The following GABBR2 variants were observed in gnomAD, a reference collection of about 807,000 sequenced individuals.
The protein encoded by GABBR2 is G-protein coupled receptor 51.
Under a neutral mutation model 105.6 loss-of-function variants are expected in GABBR2, and 23 were observed. The observed-to-expected ratio is 0.22, with a 90% CI of 0.16 to 0.31. The LOEUF is 0.31. Among genes scored for constraint, GABBR2 ranks in the 10% least tolerant of loss-of-function variants. The probability of loss-of-function intolerance (pLI) is 1.00; values close to 1 mark genes in which losing one functional copy is unlikely to be tolerated. For missense variants in GABBR2, 734 were observed against 1,245.5 expected, an observed-to-expected ratio of 0.59 and a Z score of 6.18; for synonymous variants, 478 against 499.7, an observed-to-expected ratio of 0.96 and a Z score of 0.58.
chr9:98,389,165 G>T (rs1832134693), intron 9 of GABBR2, among the ~76,000 whole-genome samples, 161 bp from the exon 10 acceptor site: 1 of 152,150 alleles, frequency 6.6e-6, no homozygotes, highest in Non-Finnish European at 1.5e-5. Flanking sequence ...TGGCCAGTCT[G>T]CTCAACAGGG....
At chr9:98,535,023 A>G (rs1005665693) in intron 3 of GABBR2, among the ~76,000 whole-genome samples, 1 of 152,156 alleles carries the variant, frequency 6.6e-6, no homozygotes, top group Non-Finnish European at 1.5e-5. Context: ...CATCCTGACA[A>G]TGGATACAGT....
intron 13 of GABBR2, among the ~76,000 whole-genome samples, chr9:98,357,978 C>T (rs991649460): frequency 5.9e-5 from 9 of 152,220 alleles, no homozygotes; most frequent in African/African-American, 1.9e-4. Context: ...TCATGCGTGA[C>T]TTGCTGTTTT....
At chr9:98,341,507 G>A (rs527489311) in intron 13 of GABBR2, among the ~76,000 whole-genome samples, 2 of 152,252 alleles carry the variant, frequency 1.3e-5, no homozygotes, top group Non-Finnish European at 2.9e-5. Flanking sequence ...ATGATCAGAA[G>A]GTGAGATAAT....
At position 98,290,280 on chromosome 9, in the gene GABBR2, T is replaced by G. The variant is rs867733694; in HGVS notation, c.*304A>C. Reference sequence around the variant, plus strand: ...TGTCTAGTTTTTTTGTTTTTTTTTTTTTTTTTTTTTTTTTGCAAGTTTGAT... The same window carrying G: ...TGTCTAGTTTTTTTGTTTTTTTTTTGTTTTTTTTTTTTTTGCAAGTTTGAT... On this transcript the variant is annotated 3_prime_UTR_variant, in exon 19 of 19. Coordinates refer to ENST00000259455, the MANE Select transcript of GABBR2 (RefSeq NM_005458.8). 77 of 174,876 alleles carry G rather than the reference T, an allele frequency of 4.4e-4. No individual in the cohort carries two copies. Among genetic ancestry groups the G allele is most frequent in the African/African-American group, 1.2e-3 (45 of 38,020 alleles). 10.8% of individuals were successfully genotyped at this position (174,876 alleles called of 1,614,324 possible).
At chr9:98,419,795 C>T (rs1316179885) in intron 7 of GABBR2, among the ~76,000 whole-genome samples, 1 of 152,098 alleles carries the variant, frequency 6.6e-6, no homozygotes, top group Non-Finnish European at 1.5e-5. Flanking sequence ...GAGGAGGCTG[C>T]ATATCTTGCA....
intron 11 of GABBR2, among the ~76,000 whole-genome samples, chr9:98,373,851 C>CTTTTTTTT (rs577915397): frequency 4.5e-4 from 39 of 86,686 alleles, no homozygotes; most frequent in African/African-American, 1.1e-3. Context: ...CAAAGCATTC[C>CTTTTTTTT]TTTTTTTTTT....
chr9:98,347,278 G>A (rs375897118), intron 13 of GABBR2, among the ~76,000 whole-genome samples: 3 of 152,054 alleles, frequency 2.0e-5, no homozygotes, highest in African/African-American at 4.8e-5. Context: ...CATTCTAACC[G>A]GGGTGAGATG....
intron 2 of GABBR2, among the ~76,000 whole-genome samples, chr9:98,569,974 T>C (rs1331156896): frequency 2.0e-5 from 3 of 152,200 alleles, no homozygotes; most frequent in Non-Finnish European, 2.9e-5. Context: ...ATTCAGTAAA[T>C]AGCAAAAGGC....
At chr9:98,611,765 G>A (rs536149717) in intron 1 of GABBR2, among the ~76,000 whole-genome samples, 4 of 152,186 alleles carry the variant, frequency 2.6e-5, no homozygotes, top group African/African-American at 2.4e-5. Context: ...CCTTGCCCTC[G>A]TGGCTGTGGT....
At chr9:98,684,716 C>T (rs1830599083) in intron 1 of GABBR2, among the ~76,000 whole-genome samples, 1 of 152,216 alleles carries the variant, frequency 6.6e-6, no homozygotes, top group Non-Finnish European at 1.5e-5. Flanking sequence ...TCTACTGTAA[C>T]ATTTCCCAAA....
chr9:98,302,232 G>C (rs895425325), intron 16 of GABBR2, among the ~76,000 whole-genome samples: 6 of 152,244 alleles, frequency 3.9e-5, no homozygotes, highest in Middle Eastern at 3.4e-3. Flanking sequence ...GATGTGACTA[G>C]GGCAGAACCA....
chr9:98,347,324 T>C (rs954109273), intron 13 of GABBR2, among the ~76,000 whole-genome samples: 3 of 152,248 alleles, frequency 2.0e-5, no homozygotes, highest in African/African-American at 4.8e-5. Context: ...ATTTCCTTGA[T>C]AATTAGTGAT....
chr9:98,558,537 GC>G (rs1828621478), intron 2 of GABBR2, among the ~76,000 whole-genome samples: 1 of 152,142 alleles, frequency 6.6e-6, no homozygotes, highest in Non-Finnish European at 1.5e-5. Context: ...GCCCAGTCTT[GC>G]CCCCCAAGTT....
At chr9:98,663,562 A>G (rs183087275) in intron 1 of GABBR2, among the ~76,000 whole-genome samples, 7 of 152,076 alleles carry the variant, frequency 4.6e-5, no homozygotes, top group Admixed American at 3.3e-4. Flanking sequence ...AGGGAAAGAT[A>G]GATGGGCAGC....
intron 1 of GABBR2, among the ~76,000 whole-genome samples, chr9:98,665,515 C>T (rs1830322536): frequency 6.6e-6 from 1 of 152,072 alleles, no homozygotes; most frequent in African/African-American, 2.4e-5. Context: ...GCACAAGCAG[C>T]CCTAACAATT....
intron 13 of GABBR2, among the ~76,000 whole-genome samples, chr9:98,361,009 A>G (rs1831572710): frequency 6.6e-6 from 1 of 151,906 alleles, no homozygotes; most frequent in Non-Finnish European, 1.5e-5. Flanking sequence ...CCCTGCTCTT[A>G]TTTCTTGATC....
At position 98,615,262 on chromosome 9, in the gene GABBR2, G is replaced by A. The variant is rs931937873; in HGVS notation, c.322-37190C>T. On this transcript the variant is annotated intron_variant, in intron 1 of 18. Coordinates refer to ENST00000259455, the MANE Select transcript of GABBR2 (RefSeq NM_005458.8). ...GGATGTCTCAGCTGTAGACCCCAGA[G>A]GCACAGAGAGTCCTCCTGGTGTGAG... Among the ~76,000 whole-genome samples, 54 of 152,144 alleles carry A rather than the reference G, an allele frequency of 3.5e-4. 1 individual carries two copies. The highest frequency in any genetic ancestry group is 1.0e-4 in the Non-Finnish European group (7 of 68,022).
intron 3 of GABBR2, among the ~76,000 whole-genome samples, chr9:98,540,527 G>A (rs948775528): frequency 3.3e-5 from 5 of 152,220 alleles, no homozygotes; most frequent in African/African-American, 1.2e-4. Context: ...GTGCAGAGCT[G>A]CAGTGGAAAC....
chr9:98,613,848 G>C (rs939068232), intron 1 of GABBR2, among the ~76,000 whole-genome samples: 40 of 152,208 alleles, frequency 2.6e-4, no homozygotes, highest in African/African-American at 9.7e-4. Flanking sequence ...TCAGAAGAAG[G>C]AATAGGGCAC....
Sources: gnomAD v4.1 joint callset for allele counts (sites outside exome capture counted in the v4.1 genomes callset) on GRCh38, gnomAD v4.1.1 for gene constraint, MANE v1.5 for transcripts, NCBI Gene and HGNC (gene_info 2026-07-23, HGNC 2026-07-21) for gene names.